TP53BP1: variants seen among roughly 807,000 people sequenced by gnomAD.
The protein encoded by TP53BP1 is tumor protein p53 binding protein 1, also known as TP53-binding protein 1.
Under a neutral mutation model 200.8 loss-of-function variants are expected in TP53BP1, and 61 were observed. The ratio of observed to expected loss-of-function variants is 0.30; its 90% confidence interval spans 0.25 to 0.38. The LOEUF (loss-of-function observed/expected upper bound fraction) is 0.38. Ranked by LOEUF, TP53BP1 falls within the 10% of genes least tolerant of loss-of-function variation. The pLI is 1.00. For synonymous variants in TP53BP1, 822 were observed against 844.3 expected (o/e 0.97, Z 0.46); for missense variants, 2,144 against 2,371.9 (o/e 0.90, Z 2.00).
Position 43,455,925 on chromosome 15 carries a change from G to T in TP53BP1, c.2683C>A (p.His895Asn), listed in dbSNP as rs1001709955. Residue 895 changes from histidine (H) to asparagine (N), a missense_variant, in exon 12 of 28, where the codon CAT becomes AAT. Physicochemically the swap from His to Asn is moderately conservative, Grantham distance 68 (BLOSUM62 1). Coordinates refer to ENST00000382044, the MANE Select transcript of TP53BP1 (RefSeq NM_001141980.3). ...EAQKLGKPSA[H>N]ASQSFCESSS... ...CTTTCACAGAAGCTTTGTGAGGCAT[G>T]GGCAGAGGGCTTCCCCAGCTTCTGG... The T allele has an allele frequency of 3.7e-6, 6 of 1,614,046 alleles. No individual in the cohort carries two copies. The highest frequency in any genetic ancestry group is 5.1e-6 in the Non-Finnish European group (6 of 1,180,050).
At chr15:43,422,254 G>C (rs2045422082) in intron 18 of TP53BP1, 128 bp from the exon 19 acceptor site, 3 of 1,078,418 alleles carry the variant, frequency 2.8e-6, no homozygotes, top group Non-Finnish European at 2.6e-6. Context: ...GAGACTTTCT[G>C]GAATAATGGG....
chr15:43,455,841 T>C (rs376531031), intron 12 of TP53BP1, 51 bp downstream of exon 12: 1 of 1,598,936 alleles, frequency 6.3e-7, no homozygotes, highest in Non-Finnish European at 8.5e-7. Flanking sequence ...CAACTTTCCA[T>C]TCCAGATTAT....
chr15:43,510,399 T>C (rs2079266500), exon 1 of TP53BP1: 1 of 150,904 alleles, frequency 6.6e-6, no homozygotes, highest in African/African-American at 2.4e-5. Flanking sequence ...GGTCATTCTG[T>C]CCCCTCCAAT....
rs45505595 is a variant in TP53BP1, at chr15:43,476,600, C to T, written c.956-906G>A. On this transcript the variant is annotated intron_variant, in intron 8 of 27. Coordinates refer to ENST00000382044, the MANE Select transcript of TP53BP1 (RefSeq NM_001141980.3). ...GATGGAGTATCAACTATATTAATCC[C>T]AGTGTAAAAGAATTTCTTAAATAAA... is the stretch of plus-strand genomic sequence containing the variant. Among the ~76,000 whole-genome samples the T allele has an allele frequency of 1.7e-3, 255 of 152,314 alleles. 1 individual carries two copies. The highest frequency in any genetic ancestry group is 5.7e-3 in the African/African-American group (238 of 41,568).
intron 4 of TP53BP1, among the ~76,000 whole-genome samples, chr15:43,486,951 C>T (rs917056335): frequency 7.9e-5 from 12 of 152,026 alleles, no homozygotes; most frequent in Non-Finnish European, 1.6e-4. Flanking sequence ...AAGTAAATGA[C>T]TTATATTATT....
chr15:43,450,552 A>T (rs1010569223), intron 12 of TP53BP1, among the ~76,000 whole-genome samples: 3 of 152,250 alleles, frequency 2.0e-5, no homozygotes, highest in Non-Finnish European at 4.4e-5. Context: ...ATGGATTTAA[A>T]GACTTACTGA....
At chr15:43,441,720 T>C (rs1393566625) in intron 14 of TP53BP1, 137 bp from the exon 15 acceptor site, 32 of 622,318 alleles carry the variant, frequency 5.1e-5, no homozygotes, top group Non-Finnish European at 8.5e-5. Flanking sequence ...AACTAGTAAG[T>C]ATAAACATAC....
chr15:43,408,518 C>T (rs1566911615), intron 26 of TP53BP1: 1 of 270,200 alleles, frequency 3.7e-6, no homozygotes, highest in Non-Finnish European at 7.1e-6. Flanking sequence ...CCCTTCTCTT[C>T]CTTCTTTCTA....
intron 1 of TP53BP1, among the ~76,000 whole-genome samples, chr15:43,503,801 C>G (rs2079222077): frequency 6.6e-6 from 1 of 152,154 alleles, no homozygotes; most frequent in Admixed American, 6.6e-5. Flanking sequence ...GTCAGCCTTC[C>G]CTATATGTGG....
Position 43,406,697 on chromosome 15 carries a change from CAATAATAAT to C in TP53BP1, c.*677_*685del. On this transcript the variant is annotated 3_prime_UTR_variant, in exon 28 of 28. Coordinates refer to ENST00000382044, the MANE Select transcript of TP53BP1 (RefSeq NM_001141980.3). ...AAGGAACTGCTTCCAGCTATTGTGA[CAATAATAAT>C]AATAATAATATTGGGTCTTTGACTA... 4.6e-6 allele frequency: 2 copies of C among 433,190 alleles called. No individual in the cohort carries two copies. The highest frequency in any genetic ancestry group is 1.7e-5 in the South Asian group (1 of 59,924). 26.8% of individuals were successfully genotyped at this position (433,190 alleles called of 1,614,324 possible). A position where few individuals can be genotyped will look rare whatever the true frequency, so the allele number is the denominator to read the frequency against.
At position 43,451,464 on chromosome 15, in the gene TP53BP1, T is replaced by C. The variant is rs960214708; in HGVS notation, c.2717-3979A>G. Among the ~76,000 whole-genome samples, 30 of 152,302 alleles carry C rather than the reference T, an allele frequency of 2.0e-4. No individual in the cohort carries two copies. The South Asian group carries it at 5.0e-3, about 25-fold the overall frequency. On this transcript the variant is annotated intron_variant, in intron 12 of 27. Coordinates refer to ENST00000382044, the MANE Select transcript of TP53BP1 (RefSeq NM_001141980.3). ...GTTTTTTGTCCTTGCGATAGTTTAC[T>C]GAGAATGATGATTTCCAATTTCATC...
intron 11 of TP53BP1, among the ~76,000 whole-genome samples, chr15:43,460,083 T>C (rs1371697089): frequency 1.3e-5 from 2 of 152,152 alleles, no homozygotes; most frequent in African/African-American, 2.4e-5. Context: ...CATCAAAACA[T>C]ACACGTAAAA....
In TP53BP1 at chr15:43,421,836, C is replaced by T; in HGVS notation, c.4100+19G>A. On this transcript the variant is annotated intron_variant, in intron 19 of 27. Coordinates refer to ENST00000382044, the MANE Select transcript of TP53BP1 (RefSeq NM_001141980.3). Reference sequence around the variant, plus strand: ...CTGCCCCTGCTGTGGCTCTCTCTCTCTGGAGACCCTGTCTGCACCTCAGTT... The same window carrying T: ...CTGCCCCTGCTGTGGCTCTCTCTCTTTGGAGACCCTGTCTGCACCTCAGTT... 1 of 1,613,782 alleles carries T rather than the reference C, an allele frequency of 6.2e-7. No homozygotes were observed. Among genetic ancestry groups the T allele is most frequent in the Non-Finnish European group, 8.5e-7 (1 of 1,179,830 alleles).
chr15:43,465,847 G>A (rs2046564147), intron 11 of TP53BP1, among the ~76,000 whole-genome samples: 1 of 152,012 alleles, frequency 6.6e-6, no homozygotes, highest in Admixed American at 6.6e-5. Context: ...TACAGACAGG[G>A]TCTGGCCATG....
chr15:43,476,856 T>A (rs979139827), intron 8 of TP53BP1, among the ~76,000 whole-genome samples: 1 of 152,234 alleles, frequency 6.6e-6, no homozygotes, highest in Non-Finnish European at 1.5e-5. Context: ...TATATCCTTT[T>A]AAGTTTTATG....
At chr15:43,460,401 C>G (rs940913059) in intron 11 of TP53BP1, among the ~76,000 whole-genome samples, 1 of 152,252 alleles carries the variant, frequency 6.6e-6, no homozygotes, top group South Asian at 2.1e-4. Flanking sequence ...GCTGGAACTA[C>G]AGGTGCGCAC....
At chr15:43,444,338 T>A (rs749675908) in intron 14 of TP53BP1, among the ~76,000 whole-genome samples, 14 of 152,088 alleles carry the variant, frequency 9.2e-5, no homozygotes, top group Non-Finnish European at 1.9e-4. Context: ...TACTTCTGGG[T>A]TTAAGCACAC....
chr15:43,493,132 C>T lies in TP53BP1; in HGVS notation c.-89G>A. On this transcript the variant is annotated 5_prime_UTR_variant, in exon 1 of 28. Transcript: ENST00000382044. ...TCGATCCCTAGGTCGCCGCTGTCGC[C>T]ACCGCCGCCACCGGCCGCGAACTCC... 2.5e-6 allele frequency: 4 copies of T among 1,583,548 alleles called. No homozygotes were observed. The highest frequency in any genetic ancestry group is 3.4e-6 in the Non-Finnish European group (4 of 1,169,604).
intron 16 of TP53BP1, among the ~76,000 whole-genome samples, chr15:43,436,607 T>C (rs912669760): frequency 6.6e-6 from 1 of 151,310 alleles, no homozygotes; most frequent in African/African-American, 2.4e-5. Context: ...TCCAAGTAGC[T>C]GGGACCACAA....
Sources: gnomAD v4.1 joint callset for allele counts (sites outside exome capture counted in the v4.1 genomes callset) on GRCh38, gnomAD v4.1.1 for gene constraint, MANE v1.5 for transcripts, NCBI Gene and HGNC (gene_info 2026-07-23, HGNC 2026-07-21) for gene names.